ALPK2: variants seen among roughly 807,000 people sequenced by gnomAD.
The protein encoded by ALPK2 is alpha kinase 2.
ALPK2 carries 127 observed loss-of-function variants against 163.1 expected under a neutral mutation model. The observed-to-expected ratio is 0.78, with a 90% CI of 0.67 to 0.90. The LOEUF is 0.90. Among genes scored for constraint, ALPK2 ranks in the 40% least tolerant of loss-of-function variants. The pLI is 0.00. For missense variants in ALPK2, 2,360 were observed against 2,589.6 expected (o/e 0.91, Z 1.92); for synonymous variants, 953 against 959.1 (o/e 0.99, Z 0.12).
Position 58,534,868 on chromosome 18 carries a change from G to A in ALPK2, c.5319C>T (p.Asp1773=). ...TSLSHTEEKQ[D]PKKPSCKREG... Reference sequence around the variant, plus strand: ...CTCTTTTGCAAGATGGCTTTTTTGGGTCTTGTTTCTCTTCTGTGTGTGATA... The same window carrying A: ...CTCTTTTGCAAGATGGCTTTTTTGGATCTTGTTTCTCTTCTGTGTGTGATA... Residue 1773 remains aspartate, a synonymous_variant, in exon 5 of 13, where the codon GAC becomes GAT. Coordinates refer to ENST00000361673, the MANE Select transcript of ALPK2 (RefSeq NM_052947.4). The A allele has an allele frequency of 3.1e-6, 5 of 1,610,658 alleles. No homozygotes were observed. Among genetic ancestry groups the A allele is most frequent in the Non-Finnish European group, 4.2e-6 (5 of 1,178,994 alleles).
At chr18:58,622,063 G>A (rs757096741) in intron 1 of ALPK2, among the ~76,000 whole-genome samples, 8 of 151,374 alleles carry the variant, frequency 5.3e-5, no homozygotes, top group Admixed American at 3.9e-4. Flanking sequence ...AAACCTGTGC[G>A]AGGCCGGGCA....
intron 6 of ALPK2, 111 bp from the exon 7 acceptor site, chr18:58,524,173 C>T: frequency 7.0e-7 from 1 of 1,425,088 alleles, no homozygotes; most frequent in South Asian, 1.5e-5. Context: ...ATGTTTTCAG[C>T]CAGTGAGCTG....
intron 10 of ALPK2, among the ~76,000 whole-genome samples, chr18:58,507,314 G>A (rs1311226363): frequency 6.6e-6 from 1 of 152,092 alleles, no homozygotes; most frequent in South Asian, 2.1e-4. Context: ...CCCTGGGGTA[G>A]GGATGGGGCA....
At chr18:58,524,380 A>T (rs2051573159) in intron 6 of ALPK2, among the ~76,000 whole-genome samples, 1 of 152,238 alleles carries the variant, frequency 6.6e-6, no homozygotes, top group South Asian at 2.1e-4. Flanking sequence ...TATGTGACTA[A>T]TCCGGGTGTC....
rs199752043 is a variant in ALPK2, at chr18:58,536,846, A to G, written c.3341T>C (p.Val1114Ala). The part of the protein sequence containing the change: ...DNLSGDKSQT[V>A]DRADFRSYEE... ...ATAGCTCCTAAAGTCTGCTCTGTCCACAGTCTGGCTCTTATCTCCAGACAG... is the reference window on the plus strand; with the variant it reads ...ATAGCTCCTAAAGTCTGCTCTGTCCGCAGTCTGGCTCTTATCTCCAGACAG... The change falls in exon 5 of 13, where the codon GTG (valine) becomes GCG (alanine). Residue 1114 changes from valine to alanine, a missense_variant. Val to Ala is a moderately conservative substitution (Grantham distance 64). Transcript: ENST00000361673. The G allele has an allele frequency of 3.1e-6, 5 of 1,614,000 alleles. No homozygotes were observed. Among genetic ancestry groups the G allele is most frequent in the Non-Finnish European group, 4.2e-6 (5 of 1,180,030 alleles).
chr18:58,553,460 T>A lies in ALPK2; in HGVS notation c.1963-15236A>T, dbSNP rs527672127. 7.2e-5 allele frequency among the ~76,000 whole-genome samples: 11 copies of A among 152,250 alleles called. No individual in the cohort carries two copies. In the South Asian group the frequency reaches 2.3e-3, roughly 32 times the overall value. Reference sequence around the variant, plus strand: ...GATGGAGACTGCTTGCTCCAGTACTTGATACACCAAGTAAGTGCTTAATAA... The same window carrying A: ...GATGGAGACTGCTTGCTCCAGTACTAGATACACCAAGTAAGTGCTTAATAA... On this transcript the variant is annotated intron_variant, in intron 4 of 12. Transcript: ENST00000361673.
rs764584067 is a variant in ALPK2, at chr18:58,579,519, C to T, written c.1257G>A (p.Lys419=). The change falls in exon 4 of 13, where the codon AAG becomes AAA. Residue 419 remains lysine, a synonymous_variant. Coordinates refer to ENST00000361673, the MANE Select transcript of ALPK2 (RefSeq NM_052947.4). Reference sequence around the variant, plus strand: ...CTGTTTGTGGGGATGAGGGACCGTGCTTGGAGACTCTGCTGCTCCTCACCC... The same window carrying T: ...CTGTTTGTGGGGATGAGGGACCGTGTTTGGAGACTCTGCTGCTCCTCACCC... The part of the protein sequence containing the change: ...EVGVRSSRVS[K]HGPSSPQTGM... 3.7e-6 allele frequency: 6 copies of T among 1,613,810 alleles called. No individual in the cohort carries two copies. Among genetic ancestry groups the T allele is most frequent in the Non-Finnish European group, 5.1e-6 (6 of 1,180,028 alleles).
intron 3 of ALPK2, among the ~76,000 whole-genome samples, chr18:58,583,332 G>A (rs929631391): frequency 1.4e-4 from 22 of 152,010 alleles, no homozygotes; most frequent in African/African-American, 2.2e-4. Flanking sequence ...ATAATGAGGC[G>A]CGTCCAACAC....
At chr18:58,498,995 T>C (rs1215742818) in intron 11 of ALPK2, among the ~76,000 whole-genome samples, 2 of 152,162 alleles carry the variant, frequency 1.3e-5, no homozygotes, top group African/African-American at 4.8e-5. Flanking sequence ...TCCATAAAGA[T>C]CGTTTTTCAA....
chr18:58,619,542 C>A (rs2052187271), intron 1 of ALPK2, among the ~76,000 whole-genome samples: 1 of 152,056 alleles, frequency 6.6e-6, no homozygotes. Context: ...TGTCTCCAAT[C>A]CTAATGTAAT....
chr18:58,524,383 C>G (rs578120587), intron 6 of ALPK2, among the ~76,000 whole-genome samples: 1 of 152,140 alleles, frequency 6.6e-6, no homozygotes. Flanking sequence ...GTGACTAATC[C>G]GGGTGTCCTG....
intron 4 of ALPK2, among the ~76,000 whole-genome samples, chr18:58,573,264 GTATA>G (rs373512712): frequency 3.5e-5 from 1 of 28,612 alleles, no homozygotes; most frequent in African/African-American, 9.7e-5. Flanking sequence ...GTATATATGT[GTATA>G]TATATGTATA....
At chr18:58,578,771 C>CACACACACACACACACACACACACT in intron 4 of ALPK2, 43 bp downstream of exon 4, 5 of 1,562,108 alleles carry the variant, frequency 3.2e-6, no homozygotes, top group Non-Finnish European at 3.5e-6. Flanking sequence ...CACACACACA[C>CACACACACACACACACACACACACT]GGTTCTTTTT....
chr18:58,566,819 T>C (rs912502561), intron 4 of ALPK2: 6 of 152,196 alleles, frequency 3.9e-5, no homozygotes, highest in Non-Finnish European at 8.8e-5. Context: ...TTTTTCCTCT[T>C]AGGGCAAAGG....
At chr18:58,568,784 A>C (rs2051870042) in intron 4 of ALPK2, among the ~76,000 whole-genome samples, 1 of 152,248 alleles carries the variant, frequency 6.6e-6, no homozygotes, top group Admixed American at 6.5e-5. Context: ...GATGATTTGA[A>C]GTGAACAGGA....
chr18:58,567,380 C>T (rs1010460257), intron 4 of ALPK2, among the ~76,000 whole-genome samples: 1 of 151,918 alleles, frequency 6.6e-6, no homozygotes, highest in African/African-American at 2.4e-5. Context: ...CAAGACTCTG[C>T]CTCAAAATTA....
intron 3 of ALPK2, among the ~76,000 whole-genome samples, chr18:58,604,407 AT>A (rs2052087475): frequency 6.6e-6 from 1 of 152,230 alleles, no homozygotes; most frequent in Admixed American, 6.5e-5. Flanking sequence ...CCCTTTGCAG[AT>A]GAATGCTTAG....
intron 1 of ALPK2, among the ~76,000 whole-genome samples, chr18:58,612,675 T>TGCACAAGTATGAGCCAGCCCTGAGG (rs2052139029): frequency 1.3e-5 from 2 of 152,210 alleles, no homozygotes; most frequent in Admixed American, 1.3e-4. Context: ...GGGCACAGCT[T>TGCACAAGTATGAGCCAGCCCTGAGG]GCACAAGTAT....
chr18:58,496,337 C>T (rs1602185838), intron 12 of ALPK2, among the ~76,000 whole-genome samples: 2 of 152,214 alleles, frequency 1.3e-5, no homozygotes, highest in East Asian at 3.8e-4. Context: ...ATACCCAATT[C>T]CCTGAAGTGT....
Sources: allele counts gnomAD v4.1 joint callset (sites outside exome capture counted in the v4.1 genomes callset), GRCh38; gene constraint gnomAD v4.1.1; transcripts MANE v1.5; gene names NCBI Gene and HGNC (gene_info 2026-07-23, HGNC 2026-07-21).